The following CYYR1 variants were observed in gnomAD, a reference collection of about 807,000 sequenced individuals.
CYYR1 encodes cysteine and tyrosine-rich protein 1.
Under a neutral mutation model 15.2 loss-of-function variants are expected in CYYR1, and 14 were observed. The observed-to-expected ratio is 0.92, with a 90% CI of 0.61 to 1.44. The LOEUF (loss-of-function observed/expected upper bound fraction) is 1.44. CYYR1 is among the 40% of genes most tolerant of loss of function. The pLI is 0.00. For missense variants in CYYR1, 228 were observed against 209.5 expected, an observed-to-expected ratio of 1.09 and a Z score of -0.54; for synonymous variants, 80 against 77.4, an observed-to-expected ratio of 1.03 and a Z score of -0.18.
At chr21:26,517,448 A>G (rs1399087119) in intron 2 of CYYR1, among the ~76,000 whole-genome samples, 1 of 152,206 alleles carries the variant, frequency 6.6e-6, no homozygotes, top group East Asian at 1.9e-4. Context: ...TTTAGTTTGA[A>G]AAAAATAATT....
chr21:26,500,998 T>C (rs1380893019), intron 2 of CYYR1, among the ~76,000 whole-genome samples: 1 of 152,184 alleles, frequency 6.6e-6, no homozygotes, highest in Non-Finnish European at 1.5e-5. Context: ...AAGAAAAGGA[T>C]GGACATTTCA....
At chr21:26,499,168 G>C (rs1474314865) in intron 2 of CYYR1, among the ~76,000 whole-genome samples, 1 of 152,216 alleles carries the variant, frequency 6.6e-6, no homozygotes, top group East Asian at 1.9e-4. Flanking sequence ...ACCATATTTG[G>C]AAAGGGTCTT....
At chr21:26,476,585 C>CATCTATCTATCT (rs11450529) in intron 3 of CYYR1, among the ~76,000 whole-genome samples, 7,638 of 143,748 alleles carry the variant, frequency 0.053, 227 homozygotes, top group Middle Eastern at 0.072. Flanking sequence ...CCCTATCTAT[C>CATCTATCTATCT]ATCTATCTAT....
At chr21:26,523,762 T>G (rs558080584) in intron 2 of CYYR1, among the ~76,000 whole-genome samples, 3 of 152,296 alleles carry the variant, frequency 2.0e-5, no homozygotes, top group African/African-American at 7.2e-5. Flanking sequence ...CTCAACCTAA[T>G]GTAGGCTGCC....
intron 2 of CYYR1, among the ~76,000 whole-genome samples, chr21:26,555,142 A>C (rs527539774): frequency 2.6e-5 from 4 of 152,178 alleles, no homozygotes; most frequent in Non-Finnish European, 5.9e-5. Flanking sequence ...AACTACTGTT[A>C]ATCAAGAATA....
chr21:26,482,486 G>C, intron 2 of CYYR1: 7 of 985,138 alleles, frequency 7.1e-6, no homozygotes, highest in Non-Finnish European at 8.4e-6. Flanking sequence ...TGTTCCCCTT[G>C]AGCCCTGTTT....
At chr21:26,551,483 G>C (rs1979383997) in intron 2 of CYYR1, 1 of 152,666 alleles carries the variant, frequency 6.6e-6, no homozygotes, top group Non-Finnish European at 1.5e-5. Flanking sequence ...AAGAACATTT[G>C]TGATTCATGG....
intron 2 of CYYR1, among the ~76,000 whole-genome samples, chr21:26,488,240 A>ACTTCCTTC (rs71336135): frequency 0.12 from 17,274 of 139,252 alleles, 1,418 homozygotes; most frequent in African/African-American, 0.23. Flanking sequence ...ATCTTCCCCT[A>ACTTCCTTC]CTTCCTTCCT....
At chr21:26,560,735 T>C (rs1032734083) in intron 2 of CYYR1, among the ~76,000 whole-genome samples, 14 of 152,148 alleles carry the variant, frequency 9.2e-5, no homozygotes, top group African/African-American at 3.4e-4. Context: ...GAATAAAAGC[T>C]CCTCGTCTCT....
At chr21:26,525,480 C>A (rs567240560) in intron 2 of CYYR1, among the ~76,000 whole-genome samples, 1 of 152,300 alleles carries the variant, frequency 6.6e-6, no homozygotes, top group African/African-American at 2.4e-5. Context: ...TTAGTTCCTG[C>A]TGCCCCTGCC....
chr21:26,500,643 G>A (rs2065468456), intron 2 of CYYR1, among the ~76,000 whole-genome samples: 1 of 152,046 alleles, frequency 6.6e-6, no homozygotes, highest in South Asian at 2.1e-4. Context: ...CCCAACAACA[G>A]CTCTCACACT....
intron 3 of CYYR1, chr21:26,477,849 T>C: frequency 1.6e-6 from 2 of 1,222,988 alleles, no homozygotes; most frequent in Non-Finnish European, 2.0e-6. Context: ...AATAATTCCA[T>C]CTATTTTTTT....
chr21:26,547,376 A>T (rs1979045157), intron 2 of CYYR1, among the ~76,000 whole-genome samples: 1 of 152,170 alleles, frequency 6.6e-6, no homozygotes, highest in South Asian at 2.1e-4. Flanking sequence ...AGGAACAAAG[A>T]CTGAAGTCTG....
chr21:26,527,631 C>A (rs2065883943), intron 2 of CYYR1, among the ~76,000 whole-genome samples: 1 of 152,012 alleles, frequency 6.6e-6, no homozygotes, highest in Non-Finnish European at 1.5e-5. Flanking sequence ...TTGTACATTT[C>A]TTTTATTTTG....
chr21:26,482,810 G>GT (rs1374873821), intron 2 of CYYR1, among the ~76,000 whole-genome samples: 1 of 151,892 alleles, frequency 6.6e-6, no homozygotes, highest in Non-Finnish European at 1.5e-5. Flanking sequence ...GTGTGATACC[G>GT]TTTTTTCTTT....
intron 2 of CYYR1, chr21:26,482,118 C>G (rs9978642): frequency 0.027 from 6,386 of 235,706 alleles, 408 homozygotes; most frequent in African/African-American, 0.13. Context: ...TCCTCTTATA[C>G]TATTTGGGAA....
chr21:26,512,861 G>A (rs2065669280), intron 2 of CYYR1, among the ~76,000 whole-genome samples: 1 of 152,128 alleles, frequency 6.6e-6, no homozygotes. Flanking sequence ...GGGACCCCTG[G>A]AGTTGGCTGT....
At chr21:26,547,131 G>C (rs768759178) in intron 2 of CYYR1, among the ~76,000 whole-genome samples, 1 of 151,910 alleles carries the variant, frequency 6.6e-6, no homozygotes. Flanking sequence ...TGCAATGTTC[G>C]GGCTCAGAAA....
intron 2 of CYYR1, among the ~76,000 whole-genome samples, chr21:26,506,002 A>G (rs189481075): frequency 3.0e-4 from 46 of 152,314 alleles, no homozygotes; most frequent in African/African-American, 1.0e-3. Flanking sequence ...ATGCTGCATG[A>G]TGAATTTTAT....
Sources: allele counts gnomAD v4.1 joint callset (sites outside exome capture counted in the v4.1 genomes callset), GRCh38; gene constraint gnomAD v4.1.1; transcripts MANE v1.5; gene names NCBI Gene and HGNC (gene_info 2026-07-23, HGNC 2026-07-21).